Variants in MSRA observed in about 807,000 individuals in gnomAD.
The protein encoded by MSRA is methionine sulfoxide reductase A.
A neutral mutation model predicts 31.3 loss-of-function variants in MSRA; 54 were observed. The ratio of observed to expected loss-of-function variants is 1.73; its 90% CI spans 1.39 to 2.17. The LOEUF (loss-of-function observed/expected upper bound fraction) is 2.17. Among genes scored for constraint, MSRA ranks in the 30% most tolerant of loss-of-function variants. The probability of loss-of-function intolerance (pLI) is 0.00; values close to 1 mark genes in which losing one functional copy is unlikely to be tolerated. For missense variants in MSRA, 507 were observed against 300.9 expected (o/e 1.69, Z -5.07); for synonymous variants, 169 against 116.5 (o/e 1.45, Z -2.90).
At chr8:10,265,269 A>G (rs910799706) in intron 3 of MSRA, among the ~76,000 whole-genome samples, 1 of 152,180 alleles carries the variant, frequency 6.6e-6, no homozygotes, top group Admixed American at 6.5e-5. Context: ...GACACAGTCC[A>G]GCCTGGAGCA....
chr8:10,177,189 C>G (rs1387541821), intron 1 of MSRA, among the ~76,000 whole-genome samples: 1 of 152,144 alleles, frequency 6.6e-6, no homozygotes, highest in African/African-American at 2.4e-5. Flanking sequence ...ATGTTCCAAC[C>G]TTGAACCTCC....
chr8:10,386,756 C>A (rs1380529889), intron 5 of MSRA, among the ~76,000 whole-genome samples: 1 of 151,394 alleles, frequency 6.6e-6, no homozygotes, highest in South Asian at 2.1e-4. Context: ...ATGGGTTCTA[C>A]TTCTAAAAAT....
rs114342688 is a variant in MSRA at position 10,166,122 on chromosome 8, C to T, written c.143-41711C>T. ...GGTGTGTGAGCAGCAGTGATCCCAG[C>T]TTCACTCTGGAGAGCCAGGGCAGTC... On this transcript the variant is annotated intron_variant, in intron 1 of 5. Transcript: ENST00000317173. Among the ~76,000 whole-genome samples, 730 of 152,282 alleles carry T rather than the reference C, an allele frequency of 4.8e-3. 6 individuals carry two copies. Among genetic ancestry groups the T allele is most frequent in the African/African-American group, 0.017 (690 of 41,564 alleles).
At chr8:10,374,494 C>T (rs1456280617) in intron 5 of MSRA, among the ~76,000 whole-genome samples, 1 of 152,146 alleles carries the variant, frequency 6.6e-6, no homozygotes, top group Non-Finnish European at 1.5e-5. Context: ...TCCAGTATTG[C>T]AGAACAACAA....
chr8:10,341,859 G>C (rs1803448203), intron 5 of MSRA, among the ~76,000 whole-genome samples: 1 of 152,344 alleles, frequency 6.6e-6, no homozygotes, highest in South Asian at 2.1e-4. Context: ...ACATTAAACA[G>C]TCAGCTGTTG....
intron 1 of MSRA, among the ~76,000 whole-genome samples, chr8:10,154,253 C>G (rs951539303): frequency 1.3e-5 from 2 of 150,748 alleles, no homozygotes; most frequent in African/African-American, 2.5e-5. Flanking sequence ...ATCAAAAATA[C>G]TTACAGTTCT....
chr8:10,218,979 C>T (rs530801502), intron 2 of MSRA, among the ~76,000 whole-genome samples: 4 of 152,264 alleles, frequency 2.6e-5, no homozygotes, highest in South Asian at 4.1e-4. Flanking sequence ...TCTTCTCTCT[C>T]GTTCTTTCCC....
chr8:10,284,483 C>G (rs551058576), intron 3 of MSRA, among the ~76,000 whole-genome samples: 9 of 152,190 alleles, frequency 5.9e-5, no homozygotes, highest in Non-Finnish European at 1.2e-4. Context: ...CATGAGCCAA[C>G]ATGCCCGGCA....
At chr8:10,305,155 C>G (rs913704929) in intron 4 of MSRA, among the ~76,000 whole-genome samples, 1 of 152,170 alleles carries the variant, frequency 6.6e-6, no homozygotes, top group Non-Finnish European at 1.5e-5. Context: ...TTATAATTCA[C>G]TGCATTTTAT....
At chr8:10,218,488 C>G (rs531903378) in intron 2 of MSRA, among the ~76,000 whole-genome samples, 1 of 152,310 alleles carries the variant, frequency 6.6e-6, no homozygotes, top group African/African-American at 2.4e-5. Flanking sequence ...CCTTACTGAT[C>G]ATTGCCTCAG....
intron 1 of MSRA, among the ~76,000 whole-genome samples, chr8:10,161,077 A>G (rs922013844): frequency 5.9e-5 from 9 of 152,196 alleles, no homozygotes; most frequent in Non-Finnish European, 1.2e-4. Context: ...TCAGATTATG[A>G]ACACACAATA....
At chr8:10,260,204 C>A (rs571576680) in intron 3 of MSRA, among the ~76,000 whole-genome samples, 49 of 152,182 alleles carry the variant, frequency 3.2e-4, no homozygotes, top group Non-Finnish European at 5.9e-4. Flanking sequence ...GCTCTCCTTG[C>A]CATTTGGTCC....
At chr8:10,384,462 C>T (rs1261272286) in intron 5 of MSRA, among the ~76,000 whole-genome samples, 1 of 152,240 alleles carries the variant, frequency 6.6e-6, no homozygotes, top group Non-Finnish European at 1.5e-5. Flanking sequence ...GGATGTCTTT[C>T]TCTCTCCTGG....
intron 1 of MSRA, among the ~76,000 whole-genome samples, chr8:10,204,155 T>G (rs1585161717): frequency 1.3e-5 from 2 of 152,280 alleles, no homozygotes; most frequent in South Asian, 4.1e-4. Context: ...TGTGTTAAGT[T>G]ATGTTATTAC....
chr8:10,340,295 T>C (rs181795917), intron 5 of MSRA, among the ~76,000 whole-genome samples: 207 of 152,236 alleles, frequency 1.4e-3, no homozygotes, highest in African/African-American at 4.8e-3. Context: ...TTGAACTAGA[T>C]TTTGACAATC....
chr8:10,281,428 C>G (rs1279932956), intron 3 of MSRA, among the ~76,000 whole-genome samples: 1 of 152,206 alleles, frequency 6.6e-6, no homozygotes, highest in Non-Finnish European at 1.5e-5. Flanking sequence ...AGTTCCCACC[C>G]TCATAGGTAA....
intron 1 of MSRA, among the ~76,000 whole-genome samples, chr8:10,055,131 C>T (rs149537950): frequency 0.016 from 2,348 of 151,056 alleles, 25 homozygotes; most frequent in Non-Finnish European, 0.021. Context: ...ACGATGAAAA[C>T]CTTAAGTGTG....
chr8:10,191,501 G>T (rs1262429077), intron 1 of MSRA, among the ~76,000 whole-genome samples: 2 of 152,156 alleles, frequency 1.3e-5, no homozygotes, highest in African/African-American at 4.8e-5. Context: ...TAATGCAAAT[G>T]AATAAAAATT....
intron 1 of MSRA, among the ~76,000 whole-genome samples, chr8:10,152,934 G>T (rs749214712): frequency 6.6e-6 from 1 of 152,164 alleles, no homozygotes; most frequent in Admixed American, 6.5e-5. Flanking sequence ...TAATTCCACT[G>T]AGTCGAGGTT....
Sources: allele counts gnomAD v4.1 joint callset (sites outside exome capture counted in the v4.1 genomes callset), GRCh38; gene constraint gnomAD v4.1.1; transcripts MANE v1.5; gene names NCBI Gene and HGNC (gene_info 2026-07-23, HGNC 2026-07-21).